Variants in UBTD1 observed in about 807,000 individuals in gnomAD.
The protein encoded by UBTD1 is ubiquitin domain containing 1, also known as ubiquitin domain-containing protein 1.
A neutral mutation model predicts 21.7 loss-of-function variants in UBTD1; 19 were observed. The observed-to-expected ratio is 0.87, with a 90% CI of 0.61 to 1.28. The LOEUF (loss-of-function observed/expected upper bound fraction) is 1.28. Among genes scored for constraint, UBTD1 ranks in the 50% most tolerant of loss-of-function variants. The pLI is 0.00. For missense variants in UBTD1, 282 were observed against 315.1 expected, an observed-to-expected ratio of 0.89 and a Z score of 0.80; for synonymous variants, 116 against 135.1, an observed-to-expected ratio of 0.86 and a Z score of 0.98.
intron 1 of UBTD1, among the ~76,000 whole-genome samples, chr10:97,499,709 G>A (rs558261007): frequency 3.3e-5 from 5 of 152,344 alleles, no homozygotes; most frequent in Non-Finnish European, 5.9e-5. Context: ...TCCAAAGACT[G>A]TGTCATTATC....
chr10:97,527,171 CAAAAAAAAA>C (rs34756643), intron 1 of UBTD1, among the ~76,000 whole-genome samples: 1 of 66,720 alleles, frequency 1.5e-5, no homozygotes, highest in African/African-American at 6.4e-5. Flanking sequence ...CTCTTGTCTC[CAAAAAAAAA>C]AAAAAAAAAA....
chr10:97,534,581 A>G (rs539775916), intron 1 of UBTD1, among the ~76,000 whole-genome samples: 1,016 of 30,558 alleles, frequency 0.033, 6 homozygotes, highest in Middle Eastern at 0.12. Context: ...GCGCGCGCGC[A>G]CACACACACA....
At chr10:97,565,077 C>A (rs1258750682) in intron 1 of UBTD1, among the ~76,000 whole-genome samples, 3 of 152,120 alleles carry the variant, frequency 2.0e-5, no homozygotes, top group Admixed American at 6.5e-5. Context: ...CATATAAAAC[C>A]AAGCTGTAAT....
rs544423421 is a variant in UBTD1, at chr10:97,552,911, A to G, written c.71-15003A>G. On this transcript the variant is annotated intron_variant, in intron 1 of 2. Transcript: ENST00000370664. ...AGGTTGTTCCTAGCTTTAACCTGTT[A>G]AAAAGGTGCTGAGTTAAACAGCTTT... Among the ~76,000 whole-genome samples, 45 of 152,306 alleles carry G rather than the reference A, an allele frequency of 3.0e-4. No homozygotes were observed. In the South Asian group the frequency reaches 5.4e-3, roughly 18 times the overall value.
intron 1 of UBTD1, among the ~76,000 whole-genome samples, chr10:97,556,690 A>G (rs1188618478): frequency 6.6e-6 from 1 of 152,226 alleles, no homozygotes; most frequent in Non-Finnish European, 1.5e-5. Context: ...TATGGGCAGT[A>G]AGAAGAAAGA....
intron 1 of UBTD1, among the ~76,000 whole-genome samples, chr10:97,534,579 G>GCGCGCACACACA (rs930248767): frequency 6.9e-6 from 1 of 145,254 alleles, no homozygotes; most frequent in African/African-American, 2.6e-5. Context: ...ACGCGCGCGC[G>GCGCGCACACACA]CACACACACA....
At chr10:97,528,918 T>C (rs1229978908) in intron 1 of UBTD1, among the ~76,000 whole-genome samples, 93 of 135,496 alleles carry the variant, frequency 6.9e-4, no homozygotes, top group African/African-American at 1.0e-3. Flanking sequence ...ACCTCCCTCC[T>C]GGATGGGGCG....
chr10:97,547,764 C>T lies in UBTD1; in HGVS notation c.71-20150C>T, dbSNP rs564094164. Among the ~76,000 whole-genome samples, 4 of 152,224 alleles carry T rather than the reference C, an allele frequency of 2.6e-5. No individual in the cohort carries two copies. In the South Asian group the frequency reaches 8.3e-4, roughly 32 times the overall value. ...GTTTTTAGTGGAGATGGGGTTTCAC[C>T]ATGTTGGCCAGGCTGGTTTTGAACT... On this transcript the variant is annotated intron_variant, in intron 1 of 2. Transcript: ENST00000370664.
chr10:97,559,149 A>G (rs945971394), intron 1 of UBTD1, among the ~76,000 whole-genome samples: 3 of 152,240 alleles, frequency 2.0e-5, no homozygotes, highest in Admixed American at 6.5e-5. Flanking sequence ...GGGAGACGGA[A>G]GCTGGATGGC....
intron 1 of UBTD1, among the ~76,000 whole-genome samples, chr10:97,529,750 G>A (rs1022565625): frequency 9.3e-5 from 14 of 149,828 alleles, no homozygotes; most frequent in African/African-American, 3.4e-4. Context: ...AGAGGGAGAG[G>A]GAGACCGTGG....
chr10:97,545,417 GGTGTGTGTGTGTGGGT>G (rs1564741815), intron 1 of UBTD1, among the ~76,000 whole-genome samples: 7 of 52,630 alleles, frequency 1.3e-4, no homozygotes, highest in African/African-American at 3.8e-4. Context: ...TGTGGGTGTG[GGTGTGTGTGTGTGGGT>G]GTGTGTGTGT....
At chr10:97,544,274 C>T (rs1054703844) in intron 1 of UBTD1, among the ~76,000 whole-genome samples, 10 of 134,178 alleles carry the variant, frequency 7.5e-5, no homozygotes, top group African/African-American at 2.1e-4. Flanking sequence ...ACCTGGGTGA[C>T]GAGAGAAACT....
chr10:97,549,591 G>A (rs1474197960), intron 1 of UBTD1, among the ~76,000 whole-genome samples: 2 of 152,204 alleles, frequency 1.3e-5, no homozygotes, highest in East Asian at 3.9e-4. Context: ...GGGCTCTCAG[G>A]GGTGCCACCC....
At chr10:97,528,336 C>A (rs868061426) in intron 1 of UBTD1, among the ~76,000 whole-genome samples, 1 of 94,070 alleles carries the variant, frequency 1.1e-5, no homozygotes, top group African/African-American at 4.1e-5. Flanking sequence ...CGGGGCGGCT[C>A]GCCTGGCGGG....
At chr10:97,530,162 C>T (rs189194031) in intron 1 of UBTD1, among the ~76,000 whole-genome samples, 111 of 152,188 alleles carry the variant, frequency 7.3e-4, no homozygotes, top group Middle Eastern at 6.8e-3. Context: ...TTCCCCAGCA[C>T]GGGGCCTGGT....
rs187243524 is a variant in UBTD1, at chr10:97,520,264, C to T, written c.70+20991C>T. Among the ~76,000 whole-genome samples, 229 of 152,294 alleles carry T rather than the reference C, an allele frequency of 1.5e-3. 5 individuals are homozygous for T. The highest frequency in any genetic ancestry group is 4.0e-4 in the Non-Finnish European group (27 of 68,024). On this transcript the variant is annotated intron_variant, in intron 1 of 2. Transcript: ENST00000370664. Reference sequence around the variant, plus strand: ...CTTTGTCTCAGTTGGATCAAACCCTCATGGGGCTCTGGGTGGCTGACCCAA... The same window carrying T: ...CTTTGTCTCAGTTGGATCAAACCCTTATGGGGCTCTGGGTGGCTGACCCAA...
chr10:97,540,765 G>C (rs57577159), intron 1 of UBTD1, among the ~76,000 whole-genome samples: 5,120 of 152,288 alleles, frequency 0.034, 261 homozygotes, highest in African/African-American at 0.11. Context: ...TGGGTATCTA[G>C]ACGTCAGCAT....
At chr10:97,509,295 G>A (rs144506997) in intron 1 of UBTD1, among the ~76,000 whole-genome samples, 105 of 152,310 alleles carry the variant, frequency 6.9e-4, no homozygotes, top group African/African-American at 2.4e-3. Flanking sequence ...AGAGGGCAGC[G>A]GTTCCACTAC....
At chr10:97,517,387 G>T (rs2040448968) in intron 1 of UBTD1, among the ~76,000 whole-genome samples, 1 of 152,126 alleles carries the variant, frequency 6.6e-6, no homozygotes, top group African/African-American at 2.4e-5. Flanking sequence ...GGTAGAGGAG[G>T]AGCTGCTGGA....
Sources: allele counts gnomAD v4.1 joint callset (sites outside exome capture counted in the v4.1 genomes callset), GRCh38; gene constraint gnomAD v4.1.1; transcripts MANE v1.5; gene names NCBI Gene and HGNC (gene_info 2026-07-23, HGNC 2026-07-21).